ANTXR1: variants seen among roughly 807,000 people sequenced by gnomAD.
The protein encoded by ANTXR1 is ANTXR cell adhesion molecule 1, also known as anthrax toxin receptor 1.
Under a neutral mutation model 78.1 loss-of-function variants are expected in ANTXR1, and 19 were observed. The ratio of observed to expected loss-of-function variants is 0.24; its 90% confidence interval spans 0.17 to 0.36. The LOEUF (loss-of-function observed/expected upper bound fraction) is 0.36, where lower values mean the gene tolerates loss of function less well. Ranked by LOEUF, ANTXR1 falls within the 10% of genes least tolerant of loss-of-function variation. The probability of loss-of-function intolerance (pLI) is 1.00; values close to 1 mark genes in which losing one functional copy is unlikely to be tolerated. For synonymous variants in ANTXR1, 273 were observed against 260.5 expected (o/e 1.05, Z -0.46); for missense variants, 518 against 718.6 (o/e 0.72, Z 3.19).
At chr2:69,243,675 C>T (rs115665100) in intron 17 of ANTXR1, among the ~76,000 whole-genome samples, 1 of 152,266 alleles carries the variant, frequency 6.6e-6, no homozygotes, top group Non-Finnish European at 1.5e-5. Flanking sequence ...ACACCTCACC[C>T]TCTTCATTCT....
intron 6 of ANTXR1, among the ~76,000 whole-genome samples, chr2:69,074,479 G>C (rs1328291382): frequency 6.6e-6 from 1 of 152,188 alleles, no homozygotes; most frequent in East Asian, 1.9e-4. Flanking sequence ...AATATTCAGA[G>C]TGCCAGTAGA....
rs767315166 is a variant in ANTXR1 at position 69,013,584 on chromosome 2, G to A, written c.85G>A (p.Gly29Arg). The change falls in exon 1 of 18, where the codon GGG (glycine) becomes AGG (arginine). Residue 29 changes from glycine (G) to arginine (R), a missense_variant. Transcript: ENST00000303714. This position sits in a 1 kb window ranked among gnomAD's most constrained non-coding sequence, Gnocchi z 5.0. Reference protein sequence around the residue: ...ATLVLICAGQGGRREDGGPAC... With the variant: ...ATLVLICAGQRGRREDGGPAC... ...TCTGGTGCTCATCTGCGCCGGGCAA[G>A]GGGGACGCAGGGAGGATGGGGGTCC... 1.3e-6 allele frequency: 2 copies of A among 1,566,108 alleles called. No individual in the cohort carries two copies. The highest frequency in any genetic ancestry group is 2.7e-5 in the African/African-American group (2 of 74,456).
chr2:69,028,705 A>C (rs1454218786), intron 1 of ANTXR1, among the ~76,000 whole-genome samples: 1 of 152,232 alleles, frequency 6.6e-6, no homozygotes, highest in African/African-American at 2.4e-5. Flanking sequence ...ATTTTGACAT[A>C]ATATTGCATC....
chr2:69,088,644 G>A (rs1182197861), intron 8 of ANTXR1, among the ~76,000 whole-genome samples: 1 of 152,112 alleles, frequency 6.6e-6, no homozygotes, highest in African/African-American at 2.4e-5. Context: ...ATTGGCAAAT[G>A]GACAATCTTC....
intron 12 of ANTXR1, among the ~76,000 whole-genome samples, chr2:69,129,932 G>A (rs758178760): frequency 4.1e-4 from 62 of 152,130 alleles, no homozygotes; most frequent in African/African-American, 1.2e-3. Flanking sequence ...GAAGTGGGAC[G>A]AGGCCATGCC....
chr2:69,220,063 G>A (rs1675283526), intron 17 of ANTXR1, among the ~76,000 whole-genome samples: 1 of 152,300 alleles, frequency 6.6e-6, no homozygotes, highest in African/African-American at 2.4e-5. Flanking sequence ...TTAAAGCAAT[G>A]GGTGGCCAAG....
intron 12 of ANTXR1, among the ~76,000 whole-genome samples, chr2:69,134,352 T>C (rs964422323): frequency 6.6e-6 from 1 of 152,228 alleles, no homozygotes; most frequent in African/African-American, 2.4e-5. Context: ...GCCCTAATTC[T>C]ACAGATTATT....
chr2:69,159,964 T>A (rs1043878168), intron 13 of ANTXR1, among the ~76,000 whole-genome samples: 19 of 152,216 alleles, frequency 1.2e-4, no homozygotes, highest in African/African-American at 4.6e-4. Flanking sequence ...GAATAACATT[T>A]AATTTGTAGG....
intron 17 of ANTXR1, among the ~76,000 whole-genome samples, chr2:69,210,398 C>T (rs1300261802): frequency 6.6e-6 from 1 of 152,164 alleles, no homozygotes; most frequent in Admixed American, 6.5e-5. Flanking sequence ...ATAAGGAGGC[C>T]TTGCTATATT....
At chr2:69,131,454 G>A (rs147439964) in intron 12 of ANTXR1, among the ~76,000 whole-genome samples, 2 of 152,284 alleles carry the variant, frequency 1.3e-5, no homozygotes, top group African/African-American at 2.4e-5. Flanking sequence ...ACAGGAAGGC[G>A]GGCCTCCGGC....
At chr2:69,178,296 G>A (rs1214245493) in intron 14 of ANTXR1, among the ~76,000 whole-genome samples, 2 of 152,210 alleles carry the variant, frequency 1.3e-5, no homozygotes, top group African/African-American at 4.8e-5. Flanking sequence ...CTAACTGCAG[G>A]GGAAACTCTG....
intron 16 of ANTXR1, 88 bp downstream of exon 16, chr2:69,182,748 C>A: frequency 6.4e-7 from 1 of 1,569,170 alleles, no homozygotes; most frequent in Non-Finnish European, 8.8e-7. Context: ...ATGATAAAAT[C>A]CCAACCTAAA....
chr2:69,218,912 G>A (rs1388508993), intron 17 of ANTXR1, among the ~76,000 whole-genome samples: 6 of 152,120 alleles, frequency 3.9e-5, no homozygotes, highest in South Asian at 4.1e-4. Context: ...AGGCCGGAGC[G>A]ACTTTGGTCT....
At chr2:69,108,267 G>A (rs974623531) in intron 10 of ANTXR1, among the ~76,000 whole-genome samples, 4 of 152,028 alleles carry the variant, frequency 2.6e-5, no homozygotes, top group Non-Finnish European at 2.9e-5. Flanking sequence ...GCAGCCAAAC[G>A]TCATTGCTCT....
chr2:69,243,113 G>A (rs1675930569), intron 17 of ANTXR1, among the ~76,000 whole-genome samples: 2 of 152,196 alleles, frequency 1.3e-5, no homozygotes, highest in Non-Finnish European at 2.9e-5. Context: ...TAAACCAATT[G>A]CAGTCCCATC....
At chr2:69,041,872 G>A (rs764935790) in intron 2 of ANTXR1, among the ~76,000 whole-genome samples, 18 of 152,102 alleles carry the variant, frequency 1.2e-4, no homozygotes, top group South Asian at 6.2e-4. Flanking sequence ...GGTTGTCTCC[G>A]CTAACCCTGC....
intron 17 of ANTXR1, 42 bp downstream of exon 17, chr2:69,193,457 T>TCA (rs763774448): frequency 5.6e-4 from 654 of 1,162,344 alleles, no homozygotes; most frequent in East Asian, 2.7e-3. Context: ...TCTCTCTCTC[T>TCA]CTCACATACA....
At chr2:69,029,573 T>A (rs984644966) in intron 1 of ANTXR1, among the ~76,000 whole-genome samples, 1 of 150,854 alleles carries the variant, frequency 6.6e-6, no homozygotes, top group Non-Finnish European at 1.5e-5. Flanking sequence ...GAAAAAAAAA[T>A]AGGCTCAACA....
intron 17 of ANTXR1, among the ~76,000 whole-genome samples, chr2:69,197,494 G>A (rs559046929): frequency 6.6e-6 from 1 of 152,304 alleles, no homozygotes; most frequent in South Asian, 2.1e-4. Context: ...AACATGCCAG[G>A]ACATTTTGTG....
Sources: allele counts gnomAD v4.1 joint callset (sites outside exome capture counted in the v4.1 genomes callset), GRCh38; gene constraint gnomAD v4.1.1; non-coding constraint Gnocchi (gnomAD v3.1); transcripts MANE v1.5; gene names NCBI Gene and HGNC (gene_info 2026-07-23, HGNC 2026-07-21).